Variants in WDR20 observed in about 807,000 individuals in gnomAD.
WDR20 encodes WD repeat-containing protein 20.
Under a neutral mutation model 38.7 loss-of-function variants are expected in WDR20, and 3 were observed. That is an observed-to-expected ratio of 0.08 (90% CI 0.04 to 0.20). The LOEUF (loss-of-function observed/expected upper bound fraction) is 0.20, where lower values mean the gene tolerates loss of function less well. Among genes scored for constraint, WDR20 ranks in the 10% least tolerant of loss-of-function variants. The pLI, the probability that WDR20 is intolerant of heterozygous loss-of-function variation, is 1.00. For missense variants in WDR20, 559 were observed against 727.7 expected (o/e 0.77, Z 2.67); for synonymous variants, 298 against 285.6 (o/e 1.04, Z -0.44).
In WDR20 at chr14:102,220,500, G is replaced by A. The variant is rs1331959161; in HGVS notation, c.1693-2330G>A. ...GCACTTTGGGAGGCCAAGGCAGGTGGATCACGAGGTCAGGAGGTCTTCAAG... is the reference window on the plus strand; with the variant it reads ...GCACTTTGGGAGGCCAAGGCAGGTGAATCACGAGGTCAGGAGGTCTTCAAG... On this transcript the variant is annotated intron_variant, in intron 3 of 3. Coordinates refer to the WDR20 transcript ENST00000335263. The surrounding 1 kb of genome is among the most constrained non-coding windows in gnomAD (Gnocchi z 4.2). 6.6e-6 allele frequency among the ~76,000 whole-genome samples: 1 copy of A among 152,176 alleles called. No individual in the cohort carries two copies. Among genetic ancestry groups the A allele is most frequent in the African/African-American group, 2.4e-5 (1 of 41,450 alleles).
chr14:102,152,800 G>A (rs1183524508), intron 1 of WDR20, among the ~76,000 whole-genome samples: 1 of 152,176 alleles, frequency 6.6e-6, no homozygotes, highest in Non-Finnish European at 1.5e-5. Flanking sequence ...AATGAGATTT[G>A]TAGCAACTGG....
rs565846168 is a variant in WDR20 at position 102,140,088 on chromosome 14, C to G, written c.165C>G (p.Leu55=). ...CTGTCCGCGTCTCCTTCGTAAACCT[C>G]AACGACCAGTCTGGCAACGGCGACC... ...SNPVRVSFVN[L]NDQSGNGDRL... The change falls in exon 1 of 3, where the codon CTC becomes CTG. Residue 55 remains leucine (L), a synonymous_variant. Transcript: ENST00000342702. 1.2e-6 allele frequency: 2 copies of G among 1,614,196 alleles called. No homozygotes were observed. Among genetic ancestry groups the G allele is most frequent in the East Asian group, 4.5e-5 (2 of 44,888 alleles).
intron 1 of WDR20, among the ~76,000 whole-genome samples, chr14:102,151,206 G>C (rs2055705142): frequency 8.1e-6 from 1 of 124,148 alleles, no homozygotes; most frequent in South Asian, 2.4e-4. Context: ...TTTGTCATTG[G>C]AGAGATTGTA....
chr14:102,152,606 G>A (rs1258508841), intron 1 of WDR20, among the ~76,000 whole-genome samples: 1 of 151,954 alleles, frequency 6.6e-6, no homozygotes. Flanking sequence ...CTACAGACGG[G>A]GTTTCACCAT....
Position 102,195,077 on chromosome 14 carries a change from T to C in WDR20, c.389T>C (p.Ile130Thr), listed in dbSNP as rs1474631918. ...TTTTCCGCAGGCCAAGTCCAGCTTATAGACCCAATCAAAAAAGAAACTAGC... is the reference window on the plus strand; with the variant it reads ...TTTTCCGCAGGCCAAGTCCAGCTTACAGACCCAATCAAAAAAGAAACTAGC... ...VGFSAGQVQLIDPIKKETSKL... is the reference protein window; with the variant it reads ...VGFSAGQVQLTDPIKKETSKL... Residue 130 changes from isoleucine (I) to threonine (T), a missense_variant, in exon 2 of 3, where the codon ATA becomes ACA. Ile to Thr is a moderately conservative substitution (Grantham distance 89). Coordinates refer to ENST00000342702, the MANE Select transcript of WDR20 (RefSeq NM_144574.4). 3 of 1,614,206 alleles carry C rather than the reference T, an allele frequency of 1.9e-6. No homozygotes were observed. The highest frequency in any genetic ancestry group is 2.7e-5 in the African/African-American group (2 of 75,072).
chr14:102,217,680 G>T (rs1360899844), downstream of WDR20, among the ~76,000 whole-genome samples: 1 of 152,206 alleles, frequency 6.6e-6, no homozygotes. Flanking sequence ...CGGGTGCCGT[G>T]AATAAACCAT....
intron 1 of WDR20, among the ~76,000 whole-genome samples, chr14:102,185,854 A>C (rs962132277): frequency 6.6e-6 from 1 of 151,526 alleles, no homozygotes; most frequent in Non-Finnish European, 1.5e-5. Context: ...GCTTTTATAT[A>C]CATTTGGCTG....
chr14:102,198,351 C>A, intron 2 of WDR20: 1 of 283,614 alleles, frequency 3.5e-6, no homozygotes. Context: ...CTCCTGGCTT[C>A]AAGTGATCCA....
intron 1 of WDR20, among the ~76,000 whole-genome samples, chr14:102,140,988 T>G (rs536719399): frequency 6.6e-6 from 1 of 152,198 alleles, no homozygotes; most frequent in Non-Finnish European, 1.5e-5. Context: ...AAAGCTGCTT[T>G]AAAGGGACCA....
At chr14:102,141,418 T>G (rs985062722) in intron 1 of WDR20, among the ~76,000 whole-genome samples, 3 of 152,192 alleles carry the variant, frequency 2.0e-5, no homozygotes, top group African/African-American at 7.2e-5. Context: ...TTTCTTAGTC[T>G]TTATGATAAT....
intron 1 of WDR20, among the ~76,000 whole-genome samples, chr14:102,176,874 G>A (rs147061777): frequency 0.014 from 2,092 of 152,066 alleles, 23 homozygotes; most frequent in South Asian, 0.021. Context: ...GACTAGAGGC[G>A]CCTGCCATCA....
chr14:102,148,709 T>TGTGTGTGTGTG (rs2054621772), intron 1 of WDR20, among the ~76,000 whole-genome samples: 1 of 113,076 alleles, frequency 8.8e-6, no homozygotes, highest in African/African-American at 4.2e-5. Context: ...GTGTGTGTGT[T>TGTGTGTGTGTG]TGGAACAGGG....
intron 1 of WDR20, among the ~76,000 whole-genome samples, chr14:102,188,453 T>C (rs1002836018): frequency 1.3e-4 from 20 of 152,224 alleles, no homozygotes; most frequent in African/African-American, 4.6e-4. Flanking sequence ...GAACTGGAAC[T>C]GGAGGGCTTC....
At chr14:102,157,098 G>A (rs2057600565) in intron 1 of WDR20, among the ~76,000 whole-genome samples, 1 of 151,898 alleles carries the variant, frequency 6.6e-6, no homozygotes, top group Non-Finnish European at 1.5e-5. Context: ...CCCCATCTCT[G>A]CAAAAAATTT....
chr14:102,214,395 A>G, downstream of WDR20: 1 of 985,424 alleles, frequency 1.0e-6, no homozygotes, highest in Non-Finnish European at 1.2e-6. Flanking sequence ...CTGTGGCTTT[A>G]TATGTAAAAG....
chr14:102,140,242 G>C, intron 1 of WDR20, 70 bp downstream of exon 1: 1 of 1,584,474 alleles, frequency 6.3e-7, no homozygotes. Context: ...CGGTGACAGT[G>C]GGGCCAGGGT....
At chr14:102,173,017 G>A (rs1246936347) in intron 1 of WDR20, among the ~76,000 whole-genome samples, 1 of 151,766 alleles carries the variant, frequency 6.6e-6, no homozygotes, top group Non-Finnish European at 1.5e-5. Flanking sequence ...ACGATGGGCG[G>A]CCGGGCAGAG....
chr14:102,149,109 C>T (rs1035070351), intron 1 of WDR20, among the ~76,000 whole-genome samples: 3 of 152,156 alleles, frequency 2.0e-5, no homozygotes, highest in Non-Finnish European at 4.4e-5. Context: ...TTGCAGTGAG[C>T]TGAGATCGTG....
chr14:102,215,427 G>C (rs1163185976), downstream of WDR20, among the ~76,000 whole-genome samples: 1 of 152,212 alleles, frequency 6.6e-6, no homozygotes, highest in African/African-American at 2.4e-5. Flanking sequence ...AGCTGGGAGA[G>C]TGGAGAAGGT....
Sources: gnomAD v4.1 joint callset for allele counts (sites outside exome capture counted in the v4.1 genomes callset) on GRCh38, gnomAD v4.1.1 for gene constraint, Gnocchi (gnomAD v3.1) non-coding constraint, MANE v1.5 for transcripts, NCBI Gene and HGNC (gene_info 2026-07-23, HGNC 2026-07-21) for gene names.